Variants in TTN observed in about 807,000 individuals in gnomAD.
TTN encodes titin, also known as connectin.
In TTN, 1,525 loss-of-function variants were observed where a neutral mutation model predicts 3,223.0. The ratio of observed to expected loss-of-function variants is 0.47; its 90% CI spans 0.45 to 0.49. The LOEUF is 0.49. Among genes scored for constraint, TTN ranks in the 20% least tolerant of loss-of-function variants. The pLI is 0.00. For synonymous variants in TTN, 14,094 were observed against 15,161.0 expected, an observed-to-expected ratio of 0.93 and a Z score of 5.17; for missense variants, 40,786 against 43,424.0, an observed-to-expected ratio of 0.94 and a Z score of 5.40.
Position 178,604,202 on chromosome 2 carries a change from T to A in TTN, c.54485A>T (p.Asp18162Val). ...ECKSDKVVIQ[D>V]PYRLPGPPGK... Reference sequence around the variant, plus strand: ...TGGAGGTCCAGGAAGGCGATAAGGATCTTGAATGACTACTTTATCTGATTT... The same window carrying A: ...TGGAGGTCCAGGAAGGCGATAAGGAACTTGAATGACTACTTTATCTGATTT... Residue 18162 changes from aspartate (D) to valine (V), a missense_variant, in exon 282 of 363, where the codon GAT (aspartate) becomes GTT (valine). Asp to Val is a radical substitution (Grantham distance 152). Coordinates refer to ENST00000589042, the MANE Select transcript of TTN (RefSeq NM_001267550.2). The A allele has an allele frequency of 6.2e-7, 1 of 1,611,652 alleles. No homozygotes were observed. Among genetic ancestry groups the A allele is most frequent in the South Asian group, 1.1e-5 (1 of 90,806 alleles).
At chr2:178,586,412 A>T in intron 308 of TTN, 93 bp downstream of exon 308, 1 of 1,466,004 alleles carries the variant, frequency 6.8e-7, no homozygotes, top group Non-Finnish European at 9.3e-7. Flanking sequence ...AAGAATTTCT[A>T]GAGCTAGATT....
intron 121 of TTN, 74 bp downstream of exon 121, chr2:178,691,942 A>C: frequency 8.1e-7 from 1 of 1,239,382 alleles, no homozygotes; most frequent in Non-Finnish European, 1.1e-6. Flanking sequence ...GCAGCATAGT[A>C]CATATGAAGA....
intron 2 of TTN, among the ~76,000 whole-genome samples, chr2:178,803,714 T>A (rs1050465240): frequency 9.2e-5 from 14 of 152,074 alleles, no homozygotes; most frequent in South Asian, 6.2e-4. Context: ...TGATTTTTTT[T>A]AATCCGTATC....
intron 49 of TTN, among the ~76,000 whole-genome samples, chr2:178,736,669 T>A (rs375826408): frequency 2.6e-5 from 4 of 152,218 alleles, no homozygotes; most frequent in African/African-American, 9.6e-5. Flanking sequence ...TTAATTTTTT[T>A]AAGTCATCCT....
In TTN at chr2:178,757,761, T is replaced by C. The variant is rs547792470; in HGVS notation, c.10459A>G (p.Arg3487Gly). 5.0e-6 allele frequency: 8 copies of C among 1,613,818 alleles called. No homozygotes were observed. In the South Asian group the frequency reaches 7.7e-5, roughly 16 times the overall value. ...TCTGGCTTGGGAATGCCAGAAACCCTCGCATGAAATCTGACTGTCTCCCCG... is the reference window on the plus strand; with the variant it reads ...TCTGGCTTGGGAATGCCAGAAACCCCCGCATGAAATCTGACTGTCTCCCCG... ...HNGETVRFHA[R>G]VSGIPKPEIQ... Residue 3487 changes from arginine to glycine, a missense_variant, in exon 45 of 363, where the codon AGG becomes GGG. Physicochemically the swap from Arg to Gly is moderately radical, Grantham distance 125. Coordinates refer to ENST00000589042, the MANE Select transcript of TTN (RefSeq NM_001267550.2).
In TTN at chr2:178,594,181, A is replaced by G. The variant is rs1178976275; in HGVS notation, c.58212T>C (p.Phe19404=). Residue 19404 remains phenylalanine, a synonymous_variant, in exon 297 of 363, where the codon TTT becomes TTC. Coordinates refer to ENST00000589042, the MANE Select transcript of TTN (RefSeq NM_001267550.2). ...DKLTIRVGEA[F]ALTGRYSGKP... is the part of the protein sequence containing the mutation. ...TGCCTGAGTAACGGCCAGTGAGGGC[A>G]AAAGCTTCACCAACTCGAATCGTGA... is the stretch of plus-strand genomic sequence containing the variant. 2 of 1,613,268 alleles carry G rather than the reference A, an allele frequency of 1.2e-6. No homozygotes were observed. The highest frequency in any genetic ancestry group is 1.7e-6 in the Non-Finnish European group (2 of 1,179,618).
intron 41 of TTN, among the ~76,000 whole-genome samples, chr2:178,765,865 C>G (rs2090294539): frequency 6.6e-6 from 1 of 152,178 alleles, no homozygotes; most frequent in Non-Finnish European, 1.5e-5. Context: ...GTGGAATTCC[C>G]TGTCCAAAGT....
chr2:178,550,908 G>A, intron 336 of TTN, 59 bp downstream of exon 336: 1 of 1,527,092 alleles, frequency 6.5e-7, no homozygotes, highest in Non-Finnish European at 8.9e-7. Context: ...GGGGCCAAAT[G>A]TGTTTTTTAA....
Position 178,605,007 on chromosome 2 carries a change from T to G in TTN, c.54170A>C (p.Asn18057Thr). Residue 18057 changes from asparagine to threonine, a missense_variant, in exon 280 of 363, where the codon AAT (asparagine) becomes ACT (threonine). Coordinates refer to ENST00000589042, the MANE Select transcript of TTN (RefSeq NM_001267550.2). ...ASNRLGSVFR[N>T]VHVEVYDRPS... ...CTTACCATATACTTCAACGTGAACA[T>G]TTCGGAACACTGAGCCAAGGCGATT... The G allele has an allele frequency of 6.2e-7, 1 of 1,600,182 alleles. No homozygotes were observed. Among genetic ancestry groups the G allele is most frequent in the East Asian group, 2.2e-5 (1 of 44,660 alleles).
At chr2:178,683,922 G>T in intron 133 of TTN, 77 bp downstream of exon 133, 1 of 1,077,394 alleles carries the variant, frequency 9.3e-7, no homozygotes, top group South Asian at 2.1e-5. Context: ...TTTTCTAATG[G>T]AACCTATTCC....
intron 168 of TTN, 138 bp downstream of exon 168, chr2:178,664,322 A>G (rs1417983292): frequency 1.3e-6 from 1 of 796,440 alleles, no homozygotes; most frequent in East Asian, 2.5e-5. Flanking sequence ...AGATATTAAT[A>G]CATTTACACT....
At position 178,677,287 on chromosome 2, in the gene TTN, A is replaced by T. The variant is rs1371945558; in HGVS notation, c.34292T>A (p.Val11431Glu). 8.3e-7 allele frequency: 1 copy of T among 1,199,712 alleles called. No individual in the cohort carries two copies. Among genetic ancestry groups the T allele is most frequent in the Admixed American group, 4.6e-5 (1 of 21,848 alleles). 74.3% of individuals were successfully genotyped at this position (1,199,712 alleles called of 1,614,324 possible). A position where few individuals can be genotyped will look rare whatever the true frequency, so the allele number is the denominator to read the frequency against. The change falls in exon 147 of 363, where the codon GTG (valine) becomes GAG (glutamate). Residue 11431 changes from valine to glutamate, a missense_variant and splice_region_variant. Val to Glu is a moderately radical substitution (Grantham distance 121, BLOSUM62 -2). Transcript: ENST00000589042. ...TACAGGTTTCTTTGGCACTTCAGGC[A>T]CTTAAAAACATTTCATTTGAAGGCA... is the stretch of plus-strand genomic sequence containing the variant. ...VKPKVPVPAPVPEVPKKPVPE... is the reference protein window; with the variant it reads ...VKPKVPVPAPEPEVPKKPVPE...
rs1205592703 is a variant in TTN, at chr2:178,532,652, G to A, written c.103963C>T (p.Leu34655Phe). 6.2e-7 allele frequency: 1 copy of A among 1,613,974 alleles called. No individual in the cohort carries two copies. Among genetic ancestry groups the A allele is most frequent in the Admixed American group, 1.7e-5 (1 of 60,012 alleles). ...DFYYRPRRRS[L>F]GDISDEELLL... is the part of the protein sequence containing the mutation. ...AATTCTTCATCAGAGATGTCCCCAA[G>A]AGAACGTCTTCTAGGTCGGTAGTAA... Residue 34655 changes from leucine (L) to phenylalanine (F), a missense_variant, in exon 358 of 363, where the codon CTT (leucine) becomes TTT (phenylalanine). Physicochemically the swap from Leu to Phe is conservative, Grantham distance 22. Coordinates refer to ENST00000589042, the MANE Select transcript of TTN (RefSeq NM_001267550.2).
chr2:178,747,226 T>C, intron 47 of TTN: 1 of 1,611,856 alleles, frequency 6.2e-7, no homozygotes, highest in Non-Finnish European at 8.5e-7. Context: ...ATCTCTCTAG[T>C]GTCTCCCCTG....
Position 178,562,673 on chromosome 2 carries a change from C to T in TTN, c.83459G>A (p.Cys27820Tyr), listed in dbSNP as rs1170620319. The change falls in exon 326 of 363, where the codon TGC becomes TAC. Residue 27820 changes from cysteine to tyrosine, a missense_variant. Transcript: ENST00000589042. Reference sequence around the variant, plus strand: ...TTCAATTCTGAAAGTAGTTTTAGTGCAATTATTTGTAATGGTAGCATAGGC... The same window carrying T: ...TTCAATTCTGAAAGTAGTTTTAGTGTAATTATTTGTAATGGTAGCATAGGC... The part of the protein sequence containing the change: ...RKAYATITNN[C>Y]TKTTFRIENL... 6.3e-7 allele frequency: 1 copy of T among 1,595,664 alleles called. No individual in the cohort carries two copies. The highest frequency in any genetic ancestry group is 1.2e-5 in the South Asian group (1 of 86,896).
At chr2:178,709,477 C>T in intron 99 of TTN, 89 bp downstream of exon 99, 1 of 1,340,342 alleles carries the variant, frequency 7.5e-7, no homozygotes, top group Non-Finnish European at 1.0e-6. Flanking sequence ...TTATAACTTA[C>T]TTGGTCAAGA....
intron 149 of TTN, 84 bp downstream of exon 149, chr2:178,675,587 A>T: frequency 9.5e-7 from 1 of 1,055,516 alleles, no homozygotes; most frequent in Non-Finnish European, 1.3e-6. Flanking sequence ...TACAATGCAC[A>T]CATTTATGTT....
intron 88 of TTN, 64 bp downstream of exon 88, chr2:178,717,031 C>T: frequency 6.6e-7 from 1 of 1,519,512 alleles, no homozygotes; most frequent in Non-Finnish European, 8.9e-7. Flanking sequence ...AGCACACCCA[C>T]CCTCCTATAT....
Position 178,620,306 on chromosome 2 carries a change from G to A in TTN, c.46215C>T (p.Phe15405=), listed in dbSNP as rs779560487. The A allele has an allele frequency of 2.5e-6, 4 of 1,573,102 alleles. No individual in the cohort carries two copies. The highest frequency in any genetic ancestry group is 3.5e-6 in the Non-Finnish European group (4 of 1,159,144). ...EHLEDQTVTE[F]DDAVFSCQLS... is the part of the protein sequence containing the mutation. ...GCTGGCAGGAGAAGACAGCGTCATC[G>A]AACTCAGTGACTGTCTGATCTTCCA... is the stretch of plus-strand genomic sequence containing the variant. Residue 15405 remains phenylalanine (F), a synonymous_variant, in exon 248 of 363, where the codon TTC becomes TTT. Transcript: ENST00000589042.
Sources: allele counts gnomAD v4.1 joint callset (sites outside exome capture counted in the v4.1 genomes callset), GRCh38; gene constraint gnomAD v4.1.1; transcripts MANE v1.5; gene names NCBI Gene and HGNC (gene_info 2026-07-23, HGNC 2026-07-21).